Variants in ANKRD55 observed in about 807,000 individuals in gnomAD.
ANKRD55 encodes ankyrin repeat domain 55, also known as ankyrin repeat domain-containing protein 55.
A neutral mutation model predicts 60.6 loss-of-function variants in ANKRD55; 41 were observed. The observed-to-expected ratio is 0.68, with a 90% CI of 0.53 to 0.88. ANKRD55 has a LOEUF of 0.88. Among genes scored for constraint, ANKRD55 ranks in the 40% least tolerant of loss-of-function variants. The pLI is 0.00. For missense variants in ANKRD55, 732 were observed against 767.6 expected (o/e 0.95, Z 0.55); for synonymous variants, 264 against 290.3 (o/e 0.91, Z 0.92).
chr5:56,142,262 A>C (rs1005409926), intron 7 of ANKRD55, among the ~76,000 whole-genome samples: 1 of 152,010 alleles, frequency 6.6e-6, no homozygotes, highest in African/African-American at 2.4e-5. Context: ...AGGACCCGGG[A>C]GGTGGAGGTT....
intron 2 of ANKRD55, among the ~76,000 whole-genome samples, chr5:56,221,461 C>A (rs1423690123): frequency 1.3e-5 from 2 of 152,198 alleles, no homozygotes; most frequent in Non-Finnish European, 2.9e-5. Flanking sequence ...AACTGAGGTA[C>A]CAGGTTCATC....
At chr5:56,148,831 G>A (rs548512933) in intron 6 of ANKRD55, among the ~76,000 whole-genome samples, 2 of 152,160 alleles carry the variant, frequency 1.3e-5, no homozygotes, top group South Asian at 2.1e-4. Context: ...CTTGGTTGGC[G>A]GTTCGGGGTG....
chr5:56,227,028 C>T (rs1436242512), intron 2 of ANKRD55, among the ~76,000 whole-genome samples: 2 of 131,912 alleles, frequency 1.5e-5, no homozygotes, highest in East Asian at 6.8e-4. Context: ...GATATAAAGA[C>T]ACATGCACAT....
Position 56,111,653 on chromosome 5 carries a change from G to A in ANKRD55, c.1095C>T (p.Pro365=). The change falls in exon 10 of 12, where the codon CCC becomes CCT. Residue 365 remains proline (P), a synonymous_variant. Transcript: ENST00000341048. ...CCTCCTCTCTGTATCGGTCCCTGCT[G>A]GGATCCTTCTGATGGGCTCTCTGCT... ...KEEQRAHQKD[P]SRDRYREEDT... is the part of the protein sequence containing the mutation. 1.3e-6 allele frequency: 2 copies of A among 1,536,754 alleles called. No homozygotes were observed. Among genetic ancestry groups the A allele is most frequent in the South Asian group, 2.6e-5 (2 of 75,954 alleles).
chr5:56,130,192 T>A (rs1757373086), intron 7 of ANKRD55, among the ~76,000 whole-genome samples: 2 of 152,202 alleles, frequency 1.3e-5, no homozygotes, highest in South Asian at 4.1e-4. Context: ...AAGGTACCTT[T>A]TTTTAATATA....
chr5:56,202,721 T>C (rs184690103), intron 2 of ANKRD55, among the ~76,000 whole-genome samples: 6 of 152,358 alleles, frequency 3.9e-5, no homozygotes, highest in Non-Finnish European at 8.8e-5. Context: ...AGTAAATATC[T>C]GACTGCAATC....
intron 6 of ANKRD55, among the ~76,000 whole-genome samples, chr5:56,157,635 T>C (rs1335417260): frequency 1.3e-5 from 2 of 152,246 alleles, no homozygotes; most frequent in Middle Eastern, 3.2e-3. Flanking sequence ...GAGATGTTTA[T>C]GTATGTGCAC....
At chr5:56,159,369 G>A (rs750298720) in intron 6 of ANKRD55, among the ~76,000 whole-genome samples, 20 of 152,100 alleles carry the variant, frequency 1.3e-4, no homozygotes, top group Non-Finnish European at 2.8e-4. Context: ...GTTGAGGCAG[G>A]AGAATCACTT....
intron 6 of ANKRD55, among the ~76,000 whole-genome samples, chr5:56,148,316 C>T (rs1008007990): frequency 2.0e-4 from 31 of 152,150 alleles, no homozygotes; most frequent in African/African-American, 7.2e-4. Context: ...CAGTCACTAT[C>T]AGGCATGTTG....
intron 7 of ANKRD55, among the ~76,000 whole-genome samples, chr5:56,132,795 A>G (rs1757459427): frequency 6.6e-6 from 1 of 152,178 alleles, no homozygotes; most frequent in East Asian, 1.9e-4. Context: ...ATAATGACAC[A>G]TATAGATTAA....
chr5:56,129,649 CCTT>C (rs768532357), intron 7 of ANKRD55, among the ~76,000 whole-genome samples: 30 of 152,140 alleles, frequency 2.0e-4, no homozygotes, highest in Non-Finnish European at 3.5e-4. Context: ...TTCTAGGTGA[CCTT>C]CAAAGGAGTC....
chr5:56,227,076 T>A (rs949742683), intron 2 of ANKRD55, among the ~76,000 whole-genome samples: 3 of 152,148 alleles, frequency 2.0e-5, no homozygotes, highest in East Asian at 3.9e-4. Context: ...TAGCAAAGAC[T>A]TGGAACCAAC....
chr5:56,224,760 A>C (rs1760063157), intron 2 of ANKRD55, among the ~76,000 whole-genome samples: 1 of 152,194 alleles, frequency 6.6e-6, no homozygotes, highest in East Asian at 1.9e-4. Flanking sequence ...CTGGACACAT[A>C]CACCCTCCCA....
intron 5 of ANKRD55, chr5:56,161,885 A>G: frequency 1.3e-6 from 1 of 742,214 alleles, no homozygotes; most frequent in Non-Finnish European, 1.6e-6. Context: ...ATATAAAAAT[A>G]ATTGCATTTT....
intron 7 of ANKRD55, among the ~76,000 whole-genome samples, chr5:56,133,038 A>G (rs928407196): frequency 6.6e-5 from 10 of 152,270 alleles, no homozygotes; most frequent in African/African-American, 1.9e-4. Flanking sequence ...TAAAGCTGCA[A>G]GAAGAAACAG....
chr5:56,167,249 C>T (rs1180270652), intron 5 of ANKRD55, among the ~76,000 whole-genome samples: 1 of 152,180 alleles, frequency 6.6e-6, no homozygotes, highest in East Asian at 1.9e-4. Flanking sequence ...TACTACACAC[C>T]TATGCTATAT....
At chr5:56,230,183 C>A (rs137933061) in intron 2 of ANKRD55, among the ~76,000 whole-genome samples, 1 of 152,130 alleles carries the variant, frequency 6.6e-6, no homozygotes, top group East Asian at 1.9e-4. Context: ...GCAACCTCCA[C>A]CTCCCAGGTT....
At chr5:56,144,495 G>T (rs1757849056) in intron 6 of ANKRD55, among the ~76,000 whole-genome samples, 1 of 146,606 alleles carries the variant, frequency 6.8e-6, no homozygotes, top group South Asian at 2.4e-4. Context: ...GCTGTTGAAT[G>T]AATGAATGAG....
chr5:56,204,809 T>A (rs960764459), intron 2 of ANKRD55, among the ~76,000 whole-genome samples: 5 of 152,200 alleles, frequency 3.3e-5, no homozygotes, highest in Non-Finnish European at 7.3e-5. Context: ...AGTTAAGTGT[T>A]GTTATGAAAC....
Sources: allele counts gnomAD v4.1 joint callset (sites outside exome capture counted in the v4.1 genomes callset), GRCh38; gene constraint gnomAD v4.1.1; transcripts MANE v1.5; gene names NCBI Gene and HGNC (gene_info 2026-07-23, HGNC 2026-07-21).